Variants in CES5A observed in about 807,000 individuals in gnomAD.
CES5A encodes the protein carboxylesterase 5.
A neutral mutation model predicts 62.9 loss-of-function variants in CES5A; 67 were observed. That is an observed-to-expected ratio of 1.07 (90% CI 0.88 to 1.31). The LOEUF (loss-of-function observed/expected upper bound fraction) is 1.31, where lower values mean the gene tolerates loss of function less well. Among genes scored for constraint, CES5A ranks in the 50% most tolerant of loss-of-function variants. The pLI is 0.00. For missense variants in CES5A, 748 were observed against 708.5 expected (o/e 1.06, Z -0.63); for synonymous variants, 296 against 280.8 (o/e 1.05, Z -0.54).
intron 1 of CES5A, among the ~76,000 whole-genome samples, chr16:55,895,707 T>C (rs2033925024): frequency 1.3e-5 from 2 of 152,220 alleles, no homozygotes; most frequent in Admixed American, 1.3e-4. Flanking sequence ...TTTAGCACTA[T>C]TTGGATAGAA....
chr16:55,880,697 G>A (rs891962562), intron 1 of CES5A, among the ~76,000 whole-genome samples: 8 of 152,200 alleles, frequency 5.3e-5, no homozygotes, highest in African/African-American at 1.7e-4. Flanking sequence ...GCACTGAGGC[G>A]TGCATTAACA....
chr16:55,949,396 A>G (rs1444463954), intron 2 of CES5A, among the ~76,000 whole-genome samples: 1 of 152,202 alleles, frequency 6.6e-6, no homozygotes, highest in Non-Finnish European at 1.5e-5. Flanking sequence ...ATCTGAGGCA[A>G]TCCCCAAAGG....
chr16:55,877,612 G>A (rs1432974945), upstream of CES5A, among the ~76,000 whole-genome samples: 5 of 152,054 alleles, frequency 3.3e-5, no homozygotes, highest in Non-Finnish European at 4.4e-5. Context: ...CACTTCTGTC[G>A]CAGGCCCCTA....
chr16:55,906,857 C>T (rs2034044515), intron 1 of CES5A, among the ~76,000 whole-genome samples: 1 of 152,184 alleles, frequency 6.6e-6, no homozygotes, highest in South Asian at 2.1e-4. Context: ...GCTTGAGGCA[C>T]AGCAAGAAGT....
chr16:55,858,221 A>C (rs2033282710), intron 8 of CES5A, among the ~76,000 whole-genome samples: 1 of 152,218 alleles, frequency 6.6e-6, no homozygotes, highest in Non-Finnish European at 1.5e-5. Flanking sequence ...GATTAAATTA[A>C]ATTAAAAAGG....
rs116577586 is a variant in CES5A, at chr16:55,931,424, C to T, written c.160+18361G>A. 8.9e-3 allele frequency among the ~76,000 whole-genome samples: 1,358 copies of T among 152,302 alleles called. 19 individuals are homozygous for T. The highest frequency in any genetic ancestry group is 0.03 in the African/African-American group (1,265 of 41,560). On this transcript the variant is annotated intron_variant, in intron 2 of 13. Coordinates refer to the CES5A transcript ENST00000521992. ...CTGCCACAACACACGTGGACTCAGTCAATGACAGCCTACTGATGCAAGGTC... is the reference window on the plus strand; with the variant it reads ...CTGCCACAACACACGTGGACTCAGTTAATGACAGCCTACTGATGCAAGGTC...
At chr16:55,920,716 A>G (rs1268272915) in intron 1 of CES5A, among the ~76,000 whole-genome samples, 1 of 152,208 alleles carries the variant, frequency 6.6e-6, no homozygotes, top group African/African-American at 2.4e-5. Context: ...ATAAACATAC[A>G]TCCATTAGAA....
At chr16:55,944,204 T>C (rs1232306417) in intron 2 of CES5A, 7 of 682,380 alleles carry the variant, frequency 1.0e-5, no homozygotes, top group Non-Finnish European at 1.9e-5. Context: ...CATCAATAGC[T>C]GACAGTACGA....
intron 6 of CES5A, among the ~76,000 whole-genome samples, chr16:55,862,210 T>C (rs1445340997): frequency 6.6e-6 from 1 of 152,150 alleles, no homozygotes; most frequent in Admixed American, 6.5e-5. Flanking sequence ...TCCTTGTCAC[T>C]GAACCTCCAT....
intron 5 of CES5A, 133 bp downstream of exon 5, chr16:55,865,830 G>A: frequency 1.0e-6 from 1 of 998,664 alleles, no homozygotes. Context: ...AATGTGTTGT[G>A]AGGCTTGAAA....
chr16:55,873,478 AC>A (rs1160715333), intron 2 of CES5A, among the ~76,000 whole-genome samples: 4 of 152,120 alleles, frequency 2.6e-5, no homozygotes, highest in Middle Eastern at 3.2e-3. Context: ...GTCCCTTCTG[AC>A]CAAAGGACTC....
intron 1 of CES5A, among the ~76,000 whole-genome samples, chr16:55,895,403 C>A (rs965347775): frequency 1.3e-5 from 2 of 152,238 alleles, no homozygotes; most frequent in Non-Finnish European, 1.5e-5. Context: ...CGTGGGAGCC[C>A]AGCCCTCACA....
chr16:55,890,977 C>T (rs534403472), intron 1 of CES5A, among the ~76,000 whole-genome samples: 1 of 152,200 alleles, frequency 6.6e-6, no homozygotes, highest in Admixed American at 6.5e-5. Context: ...TTTTCAATCA[C>T]CTGCTCCACC....
chr16:55,931,577 A>G (rs190560077), intron 2 of CES5A, among the ~76,000 whole-genome samples: 9 of 152,066 alleles, frequency 5.9e-5, no homozygotes, highest in Non-Finnish European at 1.2e-4. Flanking sequence ...CCTTAACCCT[A>G]TTCTCACCCC....
At chr16:55,910,660 T>G (rs1449319621) in intron 1 of CES5A, among the ~76,000 whole-genome samples, 1 of 152,168 alleles carries the variant, frequency 6.6e-6, no homozygotes, top group African/African-American at 2.4e-5. Flanking sequence ...TTAAATTAAT[T>G]AGGGGGAAAG....
chr16:55,895,792 T>C (rs1216219646), intron 1 of CES5A, among the ~76,000 whole-genome samples: 3 of 152,176 alleles, frequency 2.0e-5, no homozygotes, highest in African/African-American at 7.2e-5. Context: ...TGGATGTAGT[T>C]TGCTTCCACC....
chr16:55,889,413 A>G (rs890336596), intron 1 of CES5A, among the ~76,000 whole-genome samples: 1 of 152,174 alleles, frequency 6.6e-6, no homozygotes, highest in Admixed American at 6.5e-5. Context: ...TGGGATTCCC[A>G]TGACCCCTCC....
At chr16:55,912,064 A>AAT (rs1398506763) in intron 1 of CES5A, among the ~76,000 whole-genome samples, 2 of 152,204 alleles carry the variant, frequency 1.3e-5, no homozygotes, top group African/African-American at 4.8e-5. Flanking sequence ...GTCAGCTCAC[A>AAT]GGCCTTGTAT....
chr16:55,892,866 G>A (rs1309097329), intron 1 of CES5A, among the ~76,000 whole-genome samples: 1 of 152,158 alleles, frequency 6.6e-6, no homozygotes, highest in African/African-American at 2.4e-5. Context: ...ATATATATGA[G>A]TGCAGTTATA....
Sources: allele counts gnomAD v4.1 joint callset (sites outside exome capture counted in the v4.1 genomes callset), GRCh38; gene constraint gnomAD v4.1.1; transcripts MANE v1.5; gene names NCBI Gene and HGNC (gene_info 2026-07-23, HGNC 2026-07-21).